Variants in PTK2 observed in about 807,000 individuals in gnomAD.
PTK2 encodes the protein focal adhesion kinase 1.
In PTK2, 45 loss-of-function variants were observed where a neutral mutation model predicts 150.1. That is an observed-to-expected ratio of 0.30 (90% CI 0.24 to 0.38). PTK2 has a LOEUF of 0.38. PTK2 is among the 10% of genes least tolerant of loss of function. The pLI is 1.00. For missense variants in PTK2, 919 were observed against 1,307.3 expected, an observed-to-expected ratio of 0.70 and a Z score of 4.58; for synonymous variants, 432 against 449.2, an observed-to-expected ratio of 0.96 and a Z score of 0.48.
chr8:140,688,682 T>C (rs1387921797), intron 26 of PTK2, among the ~76,000 whole-genome samples: 2 of 152,200 alleles, frequency 1.3e-5, no homozygotes, highest in Non-Finnish European at 2.9e-5. Context: ...ATTGTACCAC[T>C]GCACTACAGC....
At chr8:140,785,717 T>C (rs1321689663) in intron 14 of PTK2, among the ~76,000 whole-genome samples, 1 of 152,174 alleles carries the variant, frequency 6.6e-6, no homozygotes, top group Non-Finnish European at 1.5e-5. Context: ...TAGAGGGTAA[T>C]AATGACCTGA....
In PTK2 at chr8:140,958,230, T is replaced by A. The variant is rs145965513; in HGVS notation, c.-121-32481A>T. 4.8e-4 allele frequency among the ~76,000 whole-genome samples: 73 copies of A among 152,276 alleles called. No homozygotes were observed. In the East Asian group the frequency reaches 0.012, roughly 25 times the overall value. ...ATGCCTCACTGCAGCACCAACCTAC[T>A]GGGCTCAAGCAATCCTCCTGTCTCA... On this transcript the variant is annotated intron_variant, in intron 1 of 31. Transcript: ENST00000522684.
At chr8:140,767,147 A>G (rs371499032) in intron 14 of PTK2, among the ~76,000 whole-genome samples, 6 of 152,240 alleles carry the variant, frequency 3.9e-5, no homozygotes, top group East Asian at 1.9e-4. Context: ...ATTGTGAAGG[A>G]GTAAAATAAA....
chr8:140,948,798 C>A (rs1308780638), intron 1 of PTK2: 1 of 152,076 alleles, frequency 6.6e-6, no homozygotes, highest in South Asian at 2.1e-4. Context: ...TGTCATTATC[C>A]CCCAAATAAT....
At chr8:140,804,693 C>T (rs935459956) in intron 10 of PTK2, among the ~76,000 whole-genome samples, 3 of 152,168 alleles carry the variant, frequency 2.0e-5, no homozygotes, top group Non-Finnish European at 2.9e-5. Context: ...CATTGCATGG[C>T]GAACAGATGA....
chr8:140,884,434 T>C (rs141182099), intron 3 of PTK2, among the ~76,000 whole-genome samples: 1 of 152,342 alleles, frequency 6.6e-6, no homozygotes, highest in South Asian at 2.1e-4. Flanking sequence ...TCAAAACTAT[T>C]TGAATCCGTA....
At chr8:140,874,555 A>C (rs2100144471) in intron 4 of PTK2, among the ~76,000 whole-genome samples, 1 of 152,174 alleles carries the variant, frequency 6.6e-6, no homozygotes, top group South Asian at 2.1e-4. Flanking sequence ...GAGAAGAAAC[A>C]GCTGAGTGTT....
intron 22 of PTK2, chr8:140,732,741 C>T (rs945078991): frequency 2.2e-5 from 7 of 321,662 alleles, no homozygotes; most frequent in Non-Finnish European, 3.7e-5. Context: ...GAATTGAACA[C>T]GGGTTGCAGC....
chr8:140,741,038 G>A (rs1036634154), intron 20 of PTK2, among the ~76,000 whole-genome samples: 1 of 152,154 alleles, frequency 6.6e-6, no homozygotes, highest in Non-Finnish European at 1.5e-5. Context: ...CAGCTACTCA[G>A]GAGGCTGAGG....
intron 30 of PTK2, among the ~76,000 whole-genome samples, chr8:140,667,189 C>A (rs2092671089): frequency 6.6e-6 from 1 of 152,132 alleles, no homozygotes; most frequent in South Asian, 2.1e-4. Flanking sequence ...GTGGATGGTG[C>A]TGATGGTGGC....
At chr8:140,848,226 A>C (rs1206181623) in intron 5 of PTK2, among the ~76,000 whole-genome samples, 1 of 152,220 alleles carries the variant, frequency 6.6e-6, no homozygotes, top group Admixed American at 6.5e-5. Context: ...AAAACACATC[A>C]GATGAGCATA....
At chr8:140,777,442 G>A (rs897683336) in intron 14 of PTK2, among the ~76,000 whole-genome samples, 2 of 152,210 alleles carry the variant, frequency 1.3e-5, no homozygotes, top group Non-Finnish European at 2.9e-5. Flanking sequence ...AACGGCCCAC[G>A]CCATTCATAA....
At chr8:140,734,121 T>C (rs1592764557) in intron 22 of PTK2, among the ~76,000 whole-genome samples, 1 of 152,130 alleles carries the variant, frequency 6.6e-6, no homozygotes. Flanking sequence ...AGCTTGAACA[T>C]GTGGTGAGAA....
chr8:140,886,212 T>C (rs1164918866), intron 3 of PTK2, among the ~76,000 whole-genome samples: 2 of 152,202 alleles, frequency 1.3e-5, no homozygotes, highest in African/African-American at 4.8e-5. Context: ...GGTAACCCTT[T>C]GACTGGAGCA....
chr8:140,841,094 T>A (rs962764740), intron 7 of PTK2, among the ~76,000 whole-genome samples: 1 of 152,144 alleles, frequency 6.6e-6, no homozygotes, highest in African/African-American at 2.4e-5. Flanking sequence ...AATAGACTTA[T>A]AGGAAGAAAT....
At chr8:140,822,524 C>T (rs765381575) in intron 8 of PTK2, 6 of 152,078 alleles carry the variant, frequency 3.9e-5, no homozygotes, top group South Asian at 2.1e-4. Flanking sequence ...TAGGTAACAA[C>T]GAGGGGGTAC....
At chr8:140,833,198 C>T (rs1417404939) in intron 7 of PTK2, among the ~76,000 whole-genome samples, 1 of 151,680 alleles carries the variant, frequency 6.6e-6, no homozygotes, top group East Asian at 1.9e-4. Flanking sequence ...AACCTGAAGG[C>T]TAATAATTAG....
At chr8:140,754,409 C>A (rs184579597) in intron 16 of PTK2, among the ~76,000 whole-genome samples, 1 of 152,154 alleles carries the variant, frequency 6.6e-6, no homozygotes, top group African/African-American at 2.4e-5. Flanking sequence ...AGGACCATGA[C>A]CATGAATTCT....
chr8:140,852,188 C>T (rs895587320), intron 5 of PTK2, among the ~76,000 whole-genome samples: 1 of 152,164 alleles, frequency 6.6e-6, no homozygotes, highest in African/African-American at 2.4e-5. Flanking sequence ...GTGGATACAA[C>T]GGTGAAGAAG....
Sources: allele counts gnomAD v4.1 joint callset (sites outside exome capture counted in the v4.1 genomes callset), GRCh38; gene constraint gnomAD v4.1.1; transcripts MANE v1.5; gene names NCBI Gene and HGNC (gene_info 2026-07-23, HGNC 2026-07-21).